The following RBMS3 variants were observed in gnomAD, a reference collection of about 807,000 sequenced individuals.
RBMS3 encodes the protein RNA binding motif single stranded interacting protein 3, also known as RNA-binding motif, single-stranded-interacting protein 3.
RBMS3 carries 27 observed loss-of-function variants against 66.8 expected under a neutral mutation model. The ratio of observed to expected loss-of-function variants is 0.40; its 90% CI spans 0.30 to 0.56. The LOEUF is 0.56. Among genes scored for constraint, RBMS3 ranks in the 20% least tolerant of loss-of-function variants. The pLI, the probability that RBMS3 is intolerant of heterozygous loss-of-function variation, is 0.40. For missense variants in RBMS3, 513 were observed against 549.5 expected (o/e 0.93, Z 0.66); for synonymous variants, 188 against 183.0 (o/e 1.03, Z -0.22).
intron 4 of RBMS3, among the ~76,000 whole-genome samples, chr3:29,712,041 A>G (rs2053192300): frequency 6.6e-6 from 1 of 152,082 alleles, no homozygotes; most frequent in Admixed American, 6.6e-5. Flanking sequence ...GTAGGAGAGC[A>G]TTTTCCCCTC....
intron 4 of RBMS3, among the ~76,000 whole-genome samples, chr3:29,658,970 G>C (rs767894708): frequency 6.6e-6 from 1 of 151,976 alleles, no homozygotes; most frequent in Non-Finnish European, 1.5e-5. Context: ...CTACAGGCAC[G>C]AGCCACCACA....
intron 3 of RBMS3, among the ~76,000 whole-genome samples, chr3:29,524,756 A>G (rs2045023663): frequency 6.6e-6 from 1 of 151,984 alleles, no homozygotes; most frequent in East Asian, 1.9e-4. Flanking sequence ...CATTCTGAAA[A>G]AATGACCTCT....
rs1252298223 is a variant in RBMS3 at position 30,006,364 on chromosome 3, G to T, written c.*2502G>T. The T allele has an allele frequency of 6.6e-6, 1 of 151,808 alleles. No individual in the cohort carries two copies. The highest frequency in any genetic ancestry group is 1.5e-5 in the Non-Finnish European group (1 of 67,828). The allele number at this position is 151,808 out of a possible 1,614,324, so 9.4% of individuals were successfully genotyped here. Reference sequence around the variant, plus strand: ...CCATGCACTGGAAGCCCAAATCAGAGAATGACTCCATATATTTATGGTCAC... The same window carrying T: ...CCATGCACTGGAAGCCCAAATCAGATAATGACTCCATATATTTATGGTCAC... On this transcript the variant is annotated 3_prime_UTR_variant, in exon 15 of 15. Transcript: ENST00000383767.
intron 3 of RBMS3, among the ~76,000 whole-genome samples, chr3:29,503,619 A>G (rs965574460): frequency 1.3e-5 from 2 of 152,064 alleles, no homozygotes. Context: ...GGATTGTTTT[A>G]CTTCTCCAAC....
At chr3:29,921,976 C>T (rs575204473) in intron 10 of RBMS3, among the ~76,000 whole-genome samples, 1 of 152,178 alleles carries the variant, frequency 6.6e-6, no homozygotes, top group South Asian at 2.1e-4. Context: ...AGTCTTGTGG[C>T]TCAACTGTGA....
At chr3:29,334,000 A>G (rs1180206254) in intron 1 of RBMS3, among the ~76,000 whole-genome samples, 1 of 152,192 alleles carries the variant, frequency 6.6e-6, no homozygotes. Flanking sequence ...GACCATAGGC[A>G]AAGCTGTACA....
chr3:29,925,479 G>T (rs548186951), intron 10 of RBMS3, among the ~76,000 whole-genome samples: 4 of 152,134 alleles, frequency 2.6e-5, no homozygotes, highest in African/African-American at 9.7e-5. Context: ...GGCAGAAATC[G>T]TATGGAGATG....
At chr3:29,573,184 A>G (rs1321464517) in intron 3 of RBMS3, among the ~76,000 whole-genome samples, 2 of 152,062 alleles carry the variant, frequency 1.3e-5, no homozygotes, top group Non-Finnish European at 2.9e-5. Flanking sequence ...GCAGTGGCAC[A>G]ACCTCAGCTC....
At chr3:29,678,733 G>A (rs1021854074) in intron 4 of RBMS3, among the ~76,000 whole-genome samples, 1 of 152,058 alleles carries the variant, frequency 6.6e-6, no homozygotes, top group African/African-American at 2.4e-5. Context: ...TTGAGAGAAT[G>A]AGTTACTGGA....
chr3:29,937,323 A>G (rs2061291910), intron 11 of RBMS3, among the ~76,000 whole-genome samples: 3 of 152,054 alleles, frequency 2.0e-5, no homozygotes, highest in Non-Finnish European at 2.9e-5. Context: ...TTCTTCAATT[A>G]TGCTGACTCA....
At chr3:29,739,038 ACT>A (rs1226023692) in intron 4 of RBMS3, among the ~76,000 whole-genome samples, 2 of 152,010 alleles carry the variant, frequency 1.3e-5, no homozygotes, top group Non-Finnish European at 2.9e-5. Flanking sequence ...CATATTATGA[ACT>A]CTCATTAAAT....
intron 2 of RBMS3, among the ~76,000 whole-genome samples, chr3:29,460,664 T>G (rs1029834671): frequency 1.3e-5 from 2 of 152,228 alleles, no homozygotes; most frequent in Admixed American, 1.3e-4. Flanking sequence ...ATTTTATTAA[T>G]GCTTAGTAAG....
chr3:29,761,029 T>TTAGGAAGG (rs199507654), intron 5 of RBMS3, among the ~76,000 whole-genome samples: 3,221 of 152,250 alleles, frequency 0.021, 61 homozygotes, highest in Non-Finnish European at 0.033. Context: ...CTACACTCTC[T>TTAGGAAGG]TGTCATAGCA....
At chr3:29,497,840 A>G (rs1175333579) in intron 3 of RBMS3, among the ~76,000 whole-genome samples, 1 of 152,104 alleles carries the variant, frequency 6.6e-6, no homozygotes, top group East Asian at 1.9e-4. Context: ...TCTGTCTCTG[A>G]GACCCTTTGA....
intron 3 of RBMS3, 117 bp downstream of exon 3, chr3:29,488,616 A>G: frequency 2.6e-6 from 2 of 771,250 alleles, no homozygotes; most frequent in South Asian, 5.8e-5. Flanking sequence ...AGTATGGAAA[A>G]CCTCTTTAAT....
At chr3:29,613,123 T>G (rs188287528) in intron 4 of RBMS3, among the ~76,000 whole-genome samples, 2 of 152,216 alleles carry the variant, frequency 1.3e-5, no homozygotes, top group African/African-American at 4.8e-5. Flanking sequence ...CTTAATAATT[T>G]TTTTAATGTA....
chr3:29,561,466 T>TTGC (rs1361935296), intron 3 of RBMS3, among the ~76,000 whole-genome samples: 2 of 150,084 alleles, frequency 1.3e-5, no homozygotes, highest in Non-Finnish European at 3.0e-5. Flanking sequence ...GTTGTTGTTG[T>TTGC]TGCTGAGACG....
chr3:29,652,077 C>A (rs1423211669), intron 4 of RBMS3, among the ~76,000 whole-genome samples: 1 of 152,100 alleles, frequency 6.6e-6, no homozygotes, highest in Non-Finnish European at 1.5e-5. Context: ...AGTAGAAAAT[C>A]CACCTTTCTG....
chr3:29,737,513 A>G lies in RBMS3; in HGVS notation c.400-2207A>G, dbSNP rs571869207. ...AATTATTAGATTGTCCTTGGGCAAG[A>G]TTGAATCTTTCATGTCTCCATTTCC... On this transcript the variant is annotated intron_variant, in intron 4 of 14. Transcript: ENST00000383767. Among the ~76,000 whole-genome samples the G allele has an allele frequency of 3.6e-4, 55 of 152,302 alleles. No individual in the cohort carries two copies. In the South Asian group the frequency reaches 0.01, roughly 29 times the overall value.
Sources: allele counts gnomAD v4.1 joint callset (sites outside exome capture counted in the v4.1 genomes callset), GRCh38; gene constraint gnomAD v4.1.1; transcripts MANE v1.5; gene names NCBI Gene and HGNC (gene_info 2026-07-23, HGNC 2026-07-21).